SNX8: variants seen among roughly 807,000 people sequenced by gnomAD.
The protein encoded by SNX8 is sorting nexin-8.
In SNX8, 25 loss-of-function variants were observed where a neutral mutation model predicts 51.6. That is an observed-to-expected ratio of 0.48 (90% CI 0.35 to 0.68). SNX8 has a LOEUF of 0.68. Among genes scored for constraint, SNX8 ranks in the 30% least tolerant of loss-of-function variants. The pLI, the probability that SNX8 is intolerant of heterozygous loss-of-function variation, is 0.00. For synonymous variants in SNX8, 324 were observed against 277.0 expected (o/e 1.17, Z -1.68); for missense variants, 695 against 624.0 (o/e 1.11, Z -1.21).
At chr7:2,263,182 C>A in intron 7 of SNX8, 48 bp downstream of exon 7, 1 of 1,605,754 alleles carries the variant, frequency 6.2e-7, no homozygotes, top group Non-Finnish European at 8.5e-7. Flanking sequence ...CATGCAAAGG[C>A]ATAGCGTGTT....
At chr7:2,344,339 C>A (rs1778983693) in intron 1 of SNX8, among the ~76,000 whole-genome samples, 1 of 151,954 alleles carries the variant, frequency 6.6e-6, no homozygotes. Context: ...AAATTATAGA[C>A]AGTGGCTCAC....
At chr7:2,262,041 C>T (rs1410842345) in intron 7 of SNX8, among the ~76,000 whole-genome samples, 1 of 151,972 alleles carries the variant, frequency 6.6e-6, no homozygotes, top group Non-Finnish European at 1.5e-5. Flanking sequence ...ACTATGTCCA[C>T]TTTTTTTTGT....
intron 1 of SNX8, among the ~76,000 whole-genome samples, chr7:2,334,435 C>T (rs973696620): frequency 6.7e-6 from 1 of 149,186 alleles, no homozygotes; most frequent in African/African-American, 2.5e-5. Flanking sequence ...CAGTGGCTCG[C>T]GCCTGTAATC....
At chr7:2,291,573 G>A (rs949901124) in intron 1 of SNX8, among the ~76,000 whole-genome samples, 1 of 151,818 alleles carries the variant, frequency 6.6e-6, no homozygotes, top group Non-Finnish European at 1.5e-5. Context: ...ACTCTAGCCT[G>A]GGTTATAGAG....
rs1365560051 is a variant in SNX8, at chr7:2,321,738, CAG to C, written c.-66+32482_-66+32483del. On this transcript the variant is annotated intron_variant, in intron 1 of 5. Transcript: ENST00000435336. ...CTTTTTTTTTTTTTTTTTTTTGAGA[CAG>C]AGTCTCACGCTTGTCACCCAGGCTG... Among the ~76,000 whole-genome samples the C allele has an allele frequency of 6.5e-4, 45 of 69,030 alleles. 1 individual carries two copies. In the South Asian group the frequency reaches 0.022, roughly 34 times the overall value. The allele number at this position is 69,030 out of a possible 152,430, so 45.3% of individuals were successfully genotyped here. A position where few individuals can be genotyped will look rare whatever the true frequency, so the allele number is the denominator to read the frequency against.
chr7:2,282,693 T>A (rs560817819), intron 1 of SNX8, among the ~76,000 whole-genome samples: 1 of 152,170 alleles, frequency 6.6e-6, no homozygotes, highest in South Asian at 2.1e-4. Context: ...CAAAAAAGGA[T>A]TGGCCGGGCG....
At chr7:2,346,818 G>A (rs1387085610) in intron 1 of SNX8, among the ~76,000 whole-genome samples, 2 of 150,294 alleles carry the variant, frequency 1.3e-5, no homozygotes, top group Admixed American at 6.7e-5. Context: ...TACTCAGGAG[G>A]CTGAGTTCAG....
chr7:2,270,151 A>G (rs1795609137), intron 4 of SNX8, among the ~76,000 whole-genome samples: 1 of 151,890 alleles, frequency 6.6e-6, no homozygotes. Flanking sequence ...CTGGCACCGG[A>G]GCCCTCTCAT....
At chr7:2,259,707 G>A (rs541689560) in intron 7 of SNX8, among the ~76,000 whole-genome samples, 3 of 152,338 alleles carry the variant, frequency 2.0e-5, no homozygotes, top group East Asian at 3.9e-4. Flanking sequence ...AAACTCTAGA[G>A]AGAAAACGCC....
At chr7:2,280,536 A>AT (rs1265519730) in intron 1 of SNX8, among the ~76,000 whole-genome samples, 7 of 152,088 alleles carry the variant, frequency 4.6e-5, no homozygotes, top group Admixed American at 1.3e-4. Context: ...AATTTTTATG[A>AT]TTTTCCTGAT....
At chr7:2,311,318 G>C (rs1006597025) in intron 1 of SNX8, among the ~76,000 whole-genome samples, 2 of 152,324 alleles carry the variant, frequency 1.3e-5, no homozygotes, top group Admixed American at 6.5e-5. Context: ...TAGTGAACGT[G>C]TAAGTCACAC....
Position 2,263,250 on chromosome 7 carries a change from C to T in SNX8, c.895G>A (p.Ala299Thr), listed in dbSNP as rs1450857380. Residue 299 changes from alanine (A) to threonine (T), a missense_variant, in exon 7 of 11, where the codon GCC (alanine) becomes ACC (threonine). Transcript: ENST00000222990. ...CTCACCTGTTGTGCAGCCTTGTCGG[C>T]GAGCAGCGCGAATTCCACAGACAGG... Reference protein sequence around the residue: ...KGLSVEFALLADKAAQQGKQE... With the variant: ...KGLSVEFALLTDKAAQQGKQE... 2.5e-6 allele frequency: 4 copies of T among 1,613,904 alleles called. No homozygotes were observed. Among genetic ancestry groups the T allele is most frequent in the Admixed American group, 1.7e-5 (1 of 60,024 alleles).
At chr7:2,349,250 A>C (rs1434259639) in intron 1 of SNX8, among the ~76,000 whole-genome samples, 1 of 151,850 alleles carries the variant, frequency 6.6e-6, no homozygotes, top group African/African-American at 2.4e-5. Flanking sequence ...TATTATAGTA[A>C]AGTGTACATA....
rs762348802 is a variant in SNX8 at position 2,257,029 on chromosome 7, G to A, written c.1135-6C>T. On this transcript the variant is annotated splice_polypyrimidine_tract_variant and splice_region_variant and intron_variant, in intron 9 of 10. Transcript: ENST00000222990. ...GTCTGAATCGCGTTCTCCTGCTGCGGAGCAAACAGCCGCCTTTCGCACCCG... is the reference window on the plus strand; with the variant it reads ...GTCTGAATCGCGTTCTCCTGCTGCGAAGCAAACAGCCGCCTTTCGCACCCG... 6.9e-6 allele frequency: 11 copies of A among 1,595,214 alleles called. No homozygotes were observed. The highest frequency in any genetic ancestry group is 8.6e-6 in the Non-Finnish European group (10 of 1,168,026).
intron 1 of SNX8, among the ~76,000 whole-genome samples, chr7:2,334,564 G>A (rs1052949760): frequency 1.6e-4 from 24 of 152,148 alleles, no homozygotes; most frequent in African/African-American, 4.8e-4. Flanking sequence ...TTAGCTGGGC[G>A]TGGTGGTGTG....
intron 1 of SNX8, among the ~76,000 whole-genome samples, chr7:2,291,032 G>A (rs1178517832): frequency 6.6e-6 from 1 of 152,138 alleles, no homozygotes; most frequent in South Asian, 2.1e-4. Flanking sequence ...ACTGGCTCAC[G>A]CCTGCAATCC....
upstream of SNX8, among the ~76,000 whole-genome samples, chr7:2,318,113 A>G (rs572811886): frequency 1.1e-3 from 164 of 152,164 alleles, no homozygotes; most frequent in South Asian, 3.1e-3. Context: ...CTGCCCAATC[A>G]TAGCTCACTA....
At chr7:2,275,002 C>A in intron 3 of SNX8, 110 bp downstream of exon 3, 1 of 780,516 alleles carries the variant, frequency 1.3e-6, no homozygotes. Flanking sequence ...TCCCCCGCAG[C>A]CCTGCACCTG....
intron 5 of SNX8, 118 bp from the exon 6 acceptor site, chr7:2,264,576 C>G (rs948720763): frequency 1.1e-6 from 1 of 876,228 alleles, no homozygotes; most frequent in African/African-American, 1.7e-5. Flanking sequence ...CATGAGCCAC[C>G]CCGGGAGCCC....
Sources: gnomAD v4.1 joint callset for allele counts (sites outside exome capture counted in the v4.1 genomes callset) on GRCh38, gnomAD v4.1.1 for gene constraint, MANE v1.5 for transcripts, NCBI Gene and HGNC (gene_info 2026-07-23, HGNC 2026-07-21) for gene names.